ERBB4: variants seen among roughly 807,000 people sequenced by gnomAD.
ERBB4 encodes erb-b2 receptor tyrosine kinase 4, also known as receptor tyrosine-protein kinase erbB-4.
A neutral mutation model predicts 158.0 loss-of-function variants in ERBB4; 42 were observed. That is an observed-to-expected ratio of 0.27 (90% confidence interval 0.21 to 0.34). The LOEUF (loss-of-function observed/expected upper bound fraction) is 0.34. ERBB4 is among the 10% of genes least tolerant of loss of function. The probability of loss-of-function intolerance (pLI) is 1.00; values close to 1 mark genes in which losing one functional copy is unlikely to be tolerated. For synonymous variants in ERBB4, 583 were observed against 558.7 expected (o/e 1.04, Z -0.61); for missense variants, 1,333 against 1,624.1 (o/e 0.82, Z 3.08).
chr2:212,483,036 C>A (rs1553648433), intron 1 of ERBB4, among the ~76,000 whole-genome samples: 1 of 152,186 alleles, frequency 6.6e-6, no homozygotes, highest in Non-Finnish European at 1.5e-5. Flanking sequence ...GCCTTGTGAG[C>A]AGATAGATAG....
chr2:211,479,993 A>G (rs2065043731), intron 20 of ERBB4, among the ~76,000 whole-genome samples: 1 of 152,182 alleles, frequency 6.6e-6, no homozygotes, highest in African/African-American at 2.4e-5. Context: ...ACAAGGTTGT[A>G]GGCAATAGGT....
At chr2:211,474,454 C>T (rs990730671) in intron 20 of ERBB4, among the ~76,000 whole-genome samples, 2 of 151,954 alleles carry the variant, frequency 1.3e-5, no homozygotes, top group South Asian at 4.2e-4. Flanking sequence ...AAAGCCCTTG[C>T]TTTAAACCAT....
chr2:212,304,518 A>G (rs1455360778), intron 1 of ERBB4, among the ~76,000 whole-genome samples: 1 of 151,440 alleles, frequency 6.6e-6, no homozygotes, highest in Non-Finnish European at 1.5e-5. Context: ...ATTTCTACCA[A>G]TCAATCTAGG....
At chr2:211,516,163 G>A (rs534801750) in intron 20 of ERBB4, among the ~76,000 whole-genome samples, 4 of 151,102 alleles carry the variant, frequency 2.6e-5, no homozygotes, top group South Asian at 2.1e-4. Flanking sequence ...TGATCCGCCC[G>A]CCTCGGCCTC....
chr2:211,542,121 T>C (rs945047613), intron 20 of ERBB4, among the ~76,000 whole-genome samples: 2 of 152,028 alleles, frequency 1.3e-5, no homozygotes, highest in African/African-American at 4.8e-5. Context: ...AACTAAAACA[T>C]AGAATTACTT....
At chr2:212,322,216 G>T (rs2087598862) in intron 1 of ERBB4, among the ~76,000 whole-genome samples, 1 of 150,388 alleles carries the variant, frequency 6.6e-6, no homozygotes, top group Non-Finnish European at 1.5e-5. Context: ...GGAGAAGACA[G>T]AATTGGCCTG....
chr2:211,976,462 AG>A (rs2081608238), intron 2 of ERBB4, among the ~76,000 whole-genome samples: 1 of 152,192 alleles, frequency 6.6e-6, no homozygotes, highest in Admixed American at 6.5e-5. Flanking sequence ...TTTTTTCTTA[AG>A]TTGCATGATA....
At chr2:212,397,516 G>T (rs759528911) in intron 1 of ERBB4, among the ~76,000 whole-genome samples, 1 of 141,444 alleles carries the variant, frequency 7.1e-6, no homozygotes, top group Non-Finnish European at 1.5e-5. Context: ...AGGAAGGGGG[G>T]AAGGGGGGAA....
chr2:211,515,912 A>ATATATATATATATATCTATATT (rs35696520), intron 20 of ERBB4, among the ~76,000 whole-genome samples: 1 of 78,976 alleles, frequency 1.3e-5, no homozygotes, highest in Non-Finnish European at 2.4e-5. Context: ...ATATATATAT[A>ATATATATATATATATCTATATT]TTTTTTTTTT....
Position 211,376,728 on chromosome 2 carries a change from CTT to C in ERBB4, c.*6885_*6886del, listed in dbSNP as rs1316560615. The stretch of plus-strand genomic sequence containing the variant: ...ATGTTTGAGAGTAGATTTAAGATGA[CTT>C]TTTTTGTGCTATGAATTGTCTTCCA... On this transcript the variant is annotated 3_prime_UTR_variant, in exon 28 of 28. Coordinates refer to ENST00000342788, the MANE Select transcript of ERBB4 (RefSeq NM_005235.3). 8.6e-6 allele frequency: 2 copies of C among 232,936 alleles called. No individual in the cohort carries two copies. Among genetic ancestry groups the C allele is most frequent in the African/African-American group, 2.2e-5 (1 of 45,294 alleles). The allele number at this position is 232,936 out of a possible 1,614,324, so 14.4% of individuals were successfully genotyped here.
intron 2 of ERBB4, among the ~76,000 whole-genome samples, chr2:211,969,459 C>T (rs1344601301): frequency 6.6e-6 from 1 of 151,856 alleles, no homozygotes; most frequent in East Asian, 1.9e-4. Flanking sequence ...TTTTTTCTTA[C>T]AAGAATGGAT....
At chr2:211,819,922 T>C (rs2076958005) in intron 3 of ERBB4, among the ~76,000 whole-genome samples, 1 of 151,888 alleles carries the variant, frequency 6.6e-6, no homozygotes, top group African/African-American at 2.4e-5. Context: ...GTATAATAAG[T>C]TCCATGCATC....
chr2:211,840,691 G>A (rs1010480364), intron 3 of ERBB4, among the ~76,000 whole-genome samples: 1 of 152,094 alleles, frequency 6.6e-6, no homozygotes, highest in African/African-American at 2.4e-5. Context: ...TAGACACTGT[G>A]ATGATCCAAT....
chr2:211,517,249 T>C (rs1326011347), intron 20 of ERBB4, among the ~76,000 whole-genome samples: 1 of 152,094 alleles, frequency 6.6e-6, no homozygotes, highest in Admixed American at 6.5e-5. Flanking sequence ...TTCTTTAATA[T>C]AAAATAAGAC....
chr2:212,477,448 A>G (rs2106145464), intron 1 of ERBB4, among the ~76,000 whole-genome samples: 1 of 152,304 alleles, frequency 6.6e-6, no homozygotes, highest in East Asian at 1.9e-4. Flanking sequence ...TCAGGACCAC[A>G]AACACTTTAC....
chr2:211,503,755 C>G (rs1405215014), intron 20 of ERBB4, among the ~76,000 whole-genome samples: 1 of 151,730 alleles, frequency 6.6e-6, no homozygotes, highest in Admixed American at 6.6e-5. Flanking sequence ...AACATCAGGT[C>G]ACCACTCTTT....
At position 212,161,919 on chromosome 2, in the gene ERBB4, T is replaced by C. The variant is rs1310684192; in HGVS notation, c.83-37016A>G. Among the ~76,000 whole-genome samples the C allele has an allele frequency of 3.3e-5, 5 of 152,004 alleles. No individual in the cohort carries two copies. The South Asian group carries it at 8.3e-4, about 25-fold the overall frequency. ...AATCTTTGCTTCCATTTTTCATCAG[T>C]TCATAAATGACAATAAATAGCAAGT... On this transcript the variant is annotated intron_variant, in intron 1 of 27. Coordinates refer to ENST00000342788, the MANE Select transcript of ERBB4 (RefSeq NM_005235.3).
At chr2:212,500,695 G>C (rs920861595) in intron 1 of ERBB4, among the ~76,000 whole-genome samples, 5 of 151,928 alleles carry the variant, frequency 3.3e-5, no homozygotes, top group African/African-American at 1.2e-4. Flanking sequence ...CATGAACATT[G>C]AACCAAGAAG....
intron 19 of ERBB4, among the ~76,000 whole-genome samples, chr2:211,611,139 G>GA (rs746834349): frequency 1.3e-5 from 2 of 152,122 alleles, no homozygotes; most frequent in Non-Finnish European, 2.9e-5. Flanking sequence ...GGTCAATAGG[G>GA]ACTTCCCTAA....
Sources: gnomAD v4.1 joint callset for allele counts (sites outside exome capture counted in the v4.1 genomes callset) on GRCh38, gnomAD v4.1.1 for gene constraint, MANE v1.5 for transcripts, NCBI Gene and HGNC (gene_info 2026-07-23, HGNC 2026-07-21) for gene names.